The following EPM2A variants were observed in gnomAD, a reference collection of about 807,000 sequenced individuals.
The protein encoded by EPM2A is EPM2A glucan phosphatase, laforin.
A neutral mutation model predicts 26.5 loss-of-function variants in EPM2A; 21 were observed. The observed-to-expected ratio is 0.79, with a 90% CI of 0.56 to 1.14. The LOEUF (loss-of-function observed/expected upper bound fraction) is 1.14. Among genes scored for constraint, EPM2A ranks in the 50% most tolerant of loss-of-function variants. EPM2A has a pLI of 0.00. For missense variants in EPM2A, 458 were observed against 440.8 expected (o/e 1.04, Z -0.35); for synonymous variants, 217 against 177.6 (o/e 1.22, Z -1.76).
At chr6:145,473,476 A>G (rs1007390920) in intron 4 of EPM2A, among the ~76,000 whole-genome samples, 3 of 152,106 alleles carry the variant, frequency 2.0e-5, no homozygotes, top group African/African-American at 7.2e-5. Context: ...ACAGAGAAAA[A>G]GATAGAGGTA....
At chr6:145,696,070 C>G (rs1475961943) in intron 1 of EPM2A, among the ~76,000 whole-genome samples, 2 of 152,022 alleles carry the variant, frequency 1.3e-5, no homozygotes, top group Non-Finnish European at 1.5e-5. Context: ...GAAATCATAT[C>G]CAGTATTGTT....
rs528675426 is a variant in EPM2A at position 145,648,875 on chromosome 6, T to C, written c.477-13389A>G. ...CTACCTTTAAATATCAAGCTTTGTA[T>C]TTATTTACCTCATTGAAATGAAACT... On this transcript the variant is annotated intron_variant, in intron 2 of 3. Transcript: ENST00000367519. 3.9e-5 allele frequency among the ~76,000 whole-genome samples: 6 copies of C among 152,328 alleles called. No individual in the cohort carries two copies. The East Asian group carries it at 1.2e-3, about 29-fold the overall frequency.
At chr6:145,732,783 C>T (rs1297291226) in intron 1 of EPM2A, among the ~76,000 whole-genome samples, 2 of 152,144 alleles carry the variant, frequency 1.3e-5, no homozygotes, top group Admixed American at 6.5e-5. Flanking sequence ...AATTGCACAA[C>T]GTGGTTTCCC....
intron 2 of EPM2A, among the ~76,000 whole-genome samples, chr6:145,681,776 T>C (rs1780556357): frequency 6.6e-6 from 1 of 152,214 alleles, no homozygotes; most frequent in Non-Finnish European, 1.5e-5. Context: ...AGTCTCTCTA[T>C]GGAGACAGGT....
intron 2 of EPM2A, among the ~76,000 whole-genome samples, chr6:145,531,315 C>G (rs548732179): frequency 6.6e-6 from 1 of 152,090 alleles, no homozygotes; most frequent in Admixed American, 6.6e-5. Flanking sequence ...CCAATATAAA[C>G]CCCAAGGAAA....
intron 1 of EPM2A, among the ~76,000 whole-genome samples, chr6:145,695,824 G>A (rs1781540535): frequency 6.6e-6 from 1 of 152,024 alleles, no homozygotes; most frequent in Non-Finnish European, 1.5e-5. Flanking sequence ...GAGATAGACT[G>A]AAATACTGTA....
chr6:145,561,296 T>C (rs1405705126), intron 2 of EPM2A, among the ~76,000 whole-genome samples: 3 of 152,126 alleles, frequency 2.0e-5, no homozygotes, highest in Non-Finnish European at 4.4e-5. Flanking sequence ...TGTAGTGGGC[T>C]ATACCATCTG....
At chr6:145,611,246 CAA>C (rs1775386076) in intron 2 of EPM2A, among the ~76,000 whole-genome samples, 1 of 151,942 alleles carries the variant, frequency 6.6e-6, no homozygotes, top group Non-Finnish European at 1.5e-5. Context: ...AATCACCTTG[CAA>C]AGAGATTTAT....
At chr6:145,607,986 T>C (rs996254602) in intron 2 of EPM2A, among the ~76,000 whole-genome samples, 1 of 152,220 alleles carries the variant, frequency 6.6e-6, no homozygotes, top group Non-Finnish European at 1.5e-5. Flanking sequence ...ACTCTGTCAC[T>C]GACAATTGCC....
At chr6:145,707,955 T>A (rs1782317948) in intron 1 of EPM2A, among the ~76,000 whole-genome samples, 1 of 152,188 alleles carries the variant, frequency 6.6e-6, no homozygotes, top group Non-Finnish European at 1.5e-5. Context: ...TGAATGGCTT[T>A]GACCAAAATG....
At chr6:145,412,885 T>C (rs987251767) in intron 4 of EPM2A, among the ~76,000 whole-genome samples, 5 of 152,144 alleles carry the variant, frequency 3.3e-5, no homozygotes, top group Non-Finnish European at 5.9e-5. Context: ...GGCAACAGAA[T>C]GAGGGGAAGG....
intron 4 of EPM2A, among the ~76,000 whole-genome samples, chr6:145,480,995 A>G (rs1221262021): frequency 2.6e-5 from 4 of 152,094 alleles, no homozygotes; most frequent in African/African-American, 9.7e-5. Context: ...TTGCATTTGC[A>G]TCTTTTGAAA....
chr6:145,484,292 G>A (rs1378041651), intron 4 of EPM2A, among the ~76,000 whole-genome samples: 1 of 151,934 alleles, frequency 6.6e-6, no homozygotes, highest in Non-Finnish European at 1.5e-5. Context: ...GTCAAACAAA[G>A]CCTTAGAAGG....
chr6:145,683,167 T>G (rs914448042), intron 2 of EPM2A, among the ~76,000 whole-genome samples: 1 of 151,998 alleles, frequency 6.6e-6, no homozygotes, highest in East Asian at 1.9e-4. Flanking sequence ...CTGAAACAAC[T>G]GAAGGTGCAT....
At chr6:145,456,058 GTGT>G (rs539626100) in intron 4 of EPM2A, among the ~76,000 whole-genome samples, 182 of 152,206 alleles carry the variant, frequency 1.2e-3, no homozygotes, top group African/African-American at 3.9e-3. Flanking sequence ...ACCCTCTGTT[GTGT>G]TGTTCTTATT....
chr6:145,709,737 G>C (rs1313802970), intron 1 of EPM2A, among the ~76,000 whole-genome samples: 1 of 152,116 alleles, frequency 6.6e-6, no homozygotes, highest in African/African-American at 2.4e-5. Flanking sequence ...ATTGAATAGA[G>C]AAGAAACACA....
At chr6:145,579,588 G>A (rs1234843751) in intron 2 of EPM2A, among the ~76,000 whole-genome samples, 1 of 152,132 alleles carries the variant, frequency 6.6e-6, no homozygotes, top group Non-Finnish European at 1.5e-5. Flanking sequence ...AACTATTAGT[G>A]TCTTTCTCTT....
rs374854698 is a variant in EPM2A, at chr6:145,675,374, C to G, written c.476+10748G>C. On this transcript the variant is annotated intron_variant, in intron 2 of 3. Transcript: ENST00000367519. ...CATCGATGCTATGAAGAAACTGCAT[C>G]AATTAATGGGCAAAATAACCAGCTA... Among the ~76,000 whole-genome samples the G allele has an allele frequency of 2.0e-5, 3 of 152,308 alleles. No individual in the cohort carries two copies. In the South Asian group the frequency reaches 6.2e-4, roughly 32 times the overall value.
In EPM2A at chr6:145,593,553, T is replaced by G. The variant is rs1582882337; in HGVS notation, c.340+41692A>C. 2.0e-5 allele frequency among the ~76,000 whole-genome samples: 3 copies of G among 152,058 alleles called. No homozygotes were observed. In the South Asian group the frequency reaches 6.2e-4, roughly 31 times the overall value. ...GGCCATAAAACACACCTTAACAAAT[T>G]TTTTGAACATAAAAATTATATAAAG... On this transcript the variant is annotated intron_variant, in intron 2 of 3. Transcript: ENST00000450221.
Sources: gnomAD v4.1 joint callset for allele counts (sites outside exome capture counted in the v4.1 genomes callset) on GRCh38, gnomAD v4.1.1 for gene constraint, MANE v1.5 for transcripts, NCBI Gene and HGNC (gene_info 2026-07-23, HGNC 2026-07-21) for gene names.